The following MRTFB variants were observed in gnomAD, a reference collection of about 807,000 sequenced individuals.
The protein encoded by MRTFB is myocardin related transcription factor B.
A neutral mutation model predicts 104.2 loss-of-function variants in MRTFB; 29 were observed. That is an observed-to-expected ratio of 0.28 (90% confidence interval 0.21 to 0.38). The LOEUF (loss-of-function observed/expected upper bound fraction) is 0.38. Ranked by LOEUF, MRTFB falls within the 10% of genes least tolerant of loss-of-function variation. MRTFB has a pLI of 1.00. For synonymous variants in MRTFB, 535 were observed against 519.5 expected, an observed-to-expected ratio of 1.03 and a Z score of -0.41; for missense variants, 1,270 against 1,341.6, an observed-to-expected ratio of 0.95 and a Z score of 0.83.
At chr16:14,120,009 C>G (rs1252786546) in intron 2 of MRTFB, among the ~76,000 whole-genome samples, 2 of 152,182 alleles carry the variant, frequency 1.3e-5, no homozygotes, top group Non-Finnish European at 2.9e-5. Flanking sequence ...TACTGTCAGA[C>G]TTTCAAATTT....
the MRTFB span, among the ~76,000 whole-genome samples, chr16:14,061,373 CCT>C: frequency 2.0e-5 from 3 of 152,126 alleles, no homozygotes; most frequent in Admixed American, 2.0e-4. Context: ...GAAGTGGAGC[CCT>C]GCATGTGCCC....
intron 2 of MRTFB, among the ~76,000 whole-genome samples, chr16:14,109,418 A>C (rs2036159220): frequency 6.6e-6 from 1 of 152,250 alleles, no homozygotes; most frequent in Admixed American, 6.5e-5. Flanking sequence ...AATGAATAGT[A>C]TGAGGATATC....
In MRTFB at chr16:14,130,530, A is replaced by G. The variant is rs138672748; in HGVS notation, c.-63-10014A>G. On this transcript the variant is annotated intron_variant, in intron 2 of 16. Transcript: ENST00000571589. ...AAAAGAAAATTTATATTCCTCTAAT[A>G]TGTGAGTTATAGCCCAGACTTGCCA... 2.8e-3 allele frequency among the ~76,000 whole-genome samples: 434 copies of G among 152,344 alleles called. 2 individuals are homozygous for G. The highest frequency in any genetic ancestry group is 9.6e-3 in the African/African-American group (398 of 41,582).
chr16:14,203,310 G>A lies in MRTFB; in HGVS notation c.155-6933G>A, dbSNP rs188488927. Among the ~76,000 whole-genome samples the A allele has an allele frequency of 2.0e-4, 31 of 151,892 alleles. No individual in the cohort carries two copies. The East Asian group carries it at 4.3e-3, about 21-fold the overall frequency. ...ACCCATAACTGAAATCCAGCTGTTC[G>A]TAAAGAATTTCCAAGACCATGGCTG... On this transcript the variant is annotated intron_variant, in intron 3 of 16. Coordinates refer to ENST00000571589, the MANE Select transcript of MRTFB (RefSeq NM_001308142.2).
chr16:14,181,033 A>T (rs1248541472), intron 3 of MRTFB, among the ~76,000 whole-genome samples: 1 of 152,160 alleles, frequency 6.6e-6, no homozygotes, highest in Non-Finnish European at 1.5e-5. Context: ...CTAATTTGTT[A>T]ATCTGTTTAC....
chr16:14,192,208 CAA>C (rs76148090), intron 3 of MRTFB, among the ~76,000 whole-genome samples: 12 of 120,480 alleles, frequency 1.0e-4, no homozygotes, highest in Admixed American at 8.7e-5. Context: ...TCCGTCTCTA[CAA>C]AAAAAAAAAA....
the MRTFB span, among the ~76,000 whole-genome samples, chr16:14,013,961 C>A: frequency 2.0e-5 from 3 of 152,152 alleles, no homozygotes; most frequent in Non-Finnish European, 4.4e-5. Flanking sequence ...CTATTGTAAC[C>A]CCTTGTTAGT....
At position 14,115,627 on chromosome 16, in the gene MRTFB, A is replaced by G. The variant is rs549328129; in HGVS notation, c.-63-24917A>G. ...TGTACCACCCAGTGAAGTTTGAGGCAGTACCCCATAATCAAACATTAATAT... is the reference window on the plus strand; with the variant it reads ...TGTACCACCCAGTGAAGTTTGAGGCGGTACCCCATAATCAAACATTAATAT... On this transcript the variant is annotated intron_variant, in intron 2 of 16. Transcript: ENST00000571589. Among the ~76,000 whole-genome samples the G allele has an allele frequency of 2.3e-4, 35 of 152,316 alleles. No homozygotes were observed. The East Asian group carries it at 2.9e-3, about 13-fold the overall frequency.
chr16:14,193,239 A>C (rs2040273172), intron 3 of MRTFB, among the ~76,000 whole-genome samples: 3 of 121,290 alleles, frequency 2.5e-5, no homozygotes, highest in Non-Finnish European at 5.3e-5. Flanking sequence ...AAAAAAAAAA[A>C]GAATGATCAT....
At chr16:14,156,805 A>G (rs1276048554) in intron 3 of MRTFB, among the ~76,000 whole-genome samples, 1 of 152,240 alleles carries the variant, frequency 6.6e-6, no homozygotes, top group African/African-American at 2.4e-5. Context: ...CCTTTAAAAG[A>G]GACAACTAAA....
At chr16:14,052,284 T>G in the MRTFB span, among the ~76,000 whole-genome samples, 1 of 152,156 alleles carries the variant, frequency 6.6e-6, no homozygotes, top group Non-Finnish European at 1.5e-5. Context: ...AAAACAATTT[T>G]TATTGTTACA....
upstream of MRTFB, chr16:14,071,264 G>T (rs2033663689): frequency 6.5e-6 from 1 of 153,702 alleles, no homozygotes; most frequent in South Asian, 1.8e-4. Context: ...TTCTAGCCTG[G>T]GGTCCGCGCG....
At chr16:14,046,438 T>A in the MRTFB span, among the ~76,000 whole-genome samples, 1 of 152,192 alleles carries the variant, frequency 6.6e-6, no homozygotes, top group Non-Finnish European at 1.5e-5. Flanking sequence ...TAAACTCCAA[T>A]TGACCTCTGA....
intron 3 of MRTFB, among the ~76,000 whole-genome samples, chr16:14,150,374 C>A (rs2038552374): frequency 6.6e-6 from 1 of 152,250 alleles, no homozygotes; most frequent in Non-Finnish European, 1.5e-5. Flanking sequence ...GGAGCACTGA[C>A]CCCCGTGCAG....
Position 14,181,469 on chromosome 16 carries a change from C to T in MRTFB, c.155-28774C>T, listed in dbSNP as rs1055965934. Among the ~76,000 whole-genome samples the T allele has an allele frequency of 5.3e-5, 8 of 152,126 alleles. No homozygotes were observed. In the East Asian group the frequency reaches 1.5e-3, roughly 29 times the overall value. On this transcript the variant is annotated intron_variant, in intron 3 of 16. Coordinates refer to ENST00000571589, the MANE Select transcript of MRTFB (RefSeq NM_001308142.2). Reference sequence around the variant, plus strand: ...TGTGTGAAGGAAGTTGCAAAGCTTACTATTATTCACTTGAGTGAATAGCTA... The same window carrying T: ...TGTGTGAAGGAAGTTGCAAAGCTTATTATTATTCACTTGAGTGAATAGCTA...
At chr16:14,114,592 C>T (rs940589625) in intron 2 of MRTFB, among the ~76,000 whole-genome samples, 3 of 152,126 alleles carry the variant, frequency 2.0e-5, no homozygotes, top group Admixed American at 1.3e-4. Flanking sequence ...AGTTTTGCCT[C>T]CCACCCTCAA....
In MRTFB at chr16:14,078,449, G is replaced by C. The variant is rs1003624807; in HGVS notation, c.-128-841G>C. Among the ~76,000 whole-genome samples the C allele has an allele frequency of 2.6e-5, 4 of 151,920 alleles. No homozygotes were observed. In the East Asian group the frequency reaches 7.7e-4, roughly 29 times the overall value. ...CCTCTCCCCCTTTTTTAGAGACGGG[G>C]TCTCTCTCATGCAGGCTGGAGTACA... On this transcript the variant is annotated intron_variant, in intron 1 of 16. Coordinates refer to ENST00000571589, the MANE Select transcript of MRTFB (RefSeq NM_001308142.2).
chr16:14,159,943 A>C (rs955526413), intron 3 of MRTFB, among the ~76,000 whole-genome samples: 27 of 151,096 alleles, frequency 1.8e-4, no homozygotes, highest in Admixed American at 4.6e-4. Context: ...AAAAAAAAAA[A>C]AAAAAAAAAG....
At chr16:14,154,820 G>A (rs2038768792) in intron 3 of MRTFB, among the ~76,000 whole-genome samples, 1 of 152,208 alleles carries the variant, frequency 6.6e-6, no homozygotes, top group Non-Finnish European at 1.5e-5. Flanking sequence ...GTTCCTTGCT[G>A]ACCATTGGCT....
Sources: allele counts gnomAD v4.1 joint callset (sites outside exome capture counted in the v4.1 genomes callset), GRCh38; gene constraint gnomAD v4.1.1; transcripts MANE v1.5; gene names NCBI Gene and HGNC (gene_info 2026-07-23, HGNC 2026-07-21).